The following GDF6 variants were observed in gnomAD, a reference collection of about 807,000 sequenced individuals.
The protein encoded by GDF6 is growth differentiation factor 6.
In GDF6, 3 loss-of-function variants were observed where a neutral mutation model predicts 32.4. That is an observed-to-expected ratio of 0.09 (90% confidence interval 0.04 to 0.24). The LOEUF (loss-of-function observed/expected upper bound fraction) is 0.24. Among genes scored for constraint, GDF6 ranks in the 10% least tolerant of loss-of-function variants. The probability of loss-of-function intolerance (pLI) is 1.00; values close to 1 mark genes in which losing one functional copy is unlikely to be tolerated. For synonymous variants in GDF6, 296 were observed against 295.3 expected (o/e 1.00, Z -0.03); for missense variants, 589 against 637.9 (o/e 0.92, Z 0.83).
At chr8:96,154,102 C>A (rs1376380133) in intron 1 of GDF6, among the ~76,000 whole-genome samples, 1 of 152,096 alleles carries the variant, frequency 6.6e-6, no homozygotes, top group Non-Finnish European at 1.5e-5. Context: ...TTAAGGGATG[C>A]CCTCTGCACC....
chr8:96,145,632 CG>C lies in GDF6; in HGVS notation c.407-109del. The C allele has an allele frequency of 7.2e-7, 1 of 1,384,170 alleles. No homozygotes were observed. Among genetic ancestry groups the C allele is most frequent in the Non-Finnish European group, 1.0e-6 (1 of 999,796 alleles). The allele number at this position is 1,384,170 out of a possible 1,614,324, so 85.7% of individuals were successfully genotyped here. On this transcript the variant is annotated intron_variant, in intron 1 of 1. Transcript: ENST00000287020. The surrounding 1 kb of genome is among the most constrained non-coding windows in gnomAD (Gnocchi z 5.6). ...GGGCGGGGAGTGGGGGCAGGTCGGCCGGGCAGTCCAGCTTGCCCGGCCCAGG... is the reference window on the plus strand; with the variant it reads ...GGGCGGGGAGTGGGGGCAGGTCGGCCGGCAGTCCAGCTTGCCCGGCCCAGG...
At chr8:96,146,707 C>CACACAGAGAGAGAGAGAGAG (rs367654279) in intron 1 of GDF6, among the ~76,000 whole-genome samples, 11 of 139,918 alleles carry the variant, frequency 7.9e-5, no homozygotes, top group African/African-American at 3.1e-4. Flanking sequence ...CACACACACA[C>CACACAGAGAGAGAGAGAGAG]AGAGAGAGAG....
chr8:96,145,342 G>A lies in GDF6; in HGVS notation c.589C>T (p.Leu197=), dbSNP rs759041718. 1 of 1,544,004 alleles carries A rather than the reference G, an allele frequency of 6.5e-7. No homozygotes were observed. Among genetic ancestry groups the A allele is most frequent in the South Asian group, 1.2e-5 (1 of 85,034 alleles). The change falls in exon 2 of 2, where the codon CTG becomes TTG. Residue 197 remains leucine, a synonymous_variant. Transcript: ENST00000287020. The surrounding 1 kb of genome is among the most constrained non-coding windows in gnomAD (Gnocchi z 5.6). ...QLFPCLSPLL[L]DARTLDPQGA... Reference sequence around the variant, plus strand: ...TGCGGGTCCAGGGTCCGCGCGTCCAGCAGTAGGGGCGAAAGGCAAGGGAAG... The same window carrying A: ...TGCGGGTCCAGGGTCCGCGCGTCCAACAGTAGGGGCGAAAGGCAAGGGAAG...
Position 96,144,522 on chromosome 8 carries a change from G to A in GDF6, c.*41C>T, listed in dbSNP as rs1205233767. On this transcript the variant is annotated 3_prime_UTR_variant, in exon 2 of 2. Transcript: ENST00000287020. The surrounding 1 kb of genome is among the most constrained non-coding windows in gnomAD (Gnocchi z 5.1). ...GGCCTCCCCTGCAAGGCGGACCTTG[G>A]CCCACCTTGGTTCCGGGCCAAGGCG... The A allele has an allele frequency of 6.2e-7, 1 of 1,605,518 alleles. No homozygotes were observed.
chr8:96,156,679 A>G (rs753529547), intron 1 of GDF6, among the ~76,000 whole-genome samples: 41 of 152,216 alleles, frequency 2.7e-4, no homozygotes, highest in Non-Finnish European at 5.4e-4. Flanking sequence ...TTTAAAGCAC[A>G]ATATAAGAGC....
chr8:96,158,771 AG>A (rs1287759510), intron 1 of GDF6, among the ~76,000 whole-genome samples: 3 of 152,124 alleles, frequency 2.0e-5, no homozygotes, highest in Non-Finnish European at 2.9e-5. Flanking sequence ...CACGGAGGCC[AG>A]GGACTCAGTT....
chr8:96,145,504 G>A lies in GDF6; in HGVS notation c.427C>T (p.Leu143Phe). ...TCAAACAAATACTTCTGTCTCCGGA[G>A]AGGAGTGTGCGAGAGATCGTCTGCG... Reference protein sequence around the residue: ...RGLDDLSHTPLRRQKYLFDVS... With the variant: ...RGLDDLSHTPFRRQKYLFDVS... Residue 143 changes from leucine to phenylalanine, a missense_variant, in exon 2 of 2, where the codon CTC becomes TTC. Leu to Phe is a conservative substitution (Grantham distance 22). Around this residue, in one of 2 missense-constraint regions of GDF6, gnomAD observed 436 missense variants for 411.2 expected, o/e 1.06. Transcript: ENST00000287020. This position sits in a 1 kb window ranked among gnomAD's most constrained non-coding sequence, Gnocchi z 5.6. The A allele has an allele frequency of 6.3e-7, 1 of 1,597,946 alleles. No homozygotes were observed. The highest frequency in any genetic ancestry group is 8.5e-7 in the Non-Finnish European group (1 of 1,179,626).
At chr8:96,156,392 CT>C (rs1812664161) in intron 1 of GDF6, among the ~76,000 whole-genome samples, 2 of 150,796 alleles carry the variant, frequency 1.3e-5, no homozygotes, top group South Asian at 2.1e-4. Context: ...CTCTCTCTCT[CT>C]CTCTCTCTCT....
Position 96,153,553 on chromosome 8 carries a change from C to T in GDF6, c.406+6734G>A, listed in dbSNP as rs141902703. 1.6e-3 allele frequency among the ~76,000 whole-genome samples: 239 copies of T among 152,300 alleles called. 1 individual carries two copies. Among genetic ancestry groups the T allele is most frequent in the East Asian group, 0.011 (59 of 5,170 alleles). ...CCTGCACTGTCGACCGGTAAGTCAC[C>T]CGGGAGCCCAGGGGAGCAACCAGGT... On this transcript the variant is annotated intron_variant, in intron 1 of 1. Coordinates refer to ENST00000287020, the MANE Select transcript of GDF6 (RefSeq NM_001001557.4).
At position 96,145,445 on chromosome 8, in the gene GDF6, C is replaced by T; in HGVS notation, c.486G>A (p.Val162=). 6.3e-7 allele frequency: 1 copy of T among 1,596,860 alleles called. No individual in the cohort carries two copies. The stretch of plus-strand genomic sequence containing the variant: ...GGCGAAAGAGCCGCAGCTCCGCGCC[C>T]ACCAGCTCTTCTTTGTCTGAGAGCA... ...VSMLSDKEEL[V]GAELRLFRQA... is the part of the protein sequence containing the mutation. Residue 162 remains valine, a synonymous_variant, in exon 2 of 2, where the codon GTG becomes GTA. Transcript: ENST00000287020. This position sits in a 1 kb window ranked among gnomAD's most constrained non-coding sequence, Gnocchi z 5.6.
At chr8:96,149,904 A>G (rs1812539458) in intron 1 of GDF6, among the ~76,000 whole-genome samples, 1 of 152,160 alleles carries the variant, frequency 6.6e-6, no homozygotes, top group Admixed American at 6.5e-5. Flanking sequence ...AGGGACACGT[A>G]GCTGCAGGAC....
At chr8:96,154,362 AC>A (rs1393257752) in intron 1 of GDF6, among the ~76,000 whole-genome samples, 2 of 152,168 alleles carry the variant, frequency 1.3e-5, no homozygotes, top group Admixed American at 1.3e-4. Context: ...AGTGGACCCA[AC>A]CCTCAGTCCC....
chr8:96,151,955 A>ATAG (rs1193234779), intron 1 of GDF6, among the ~76,000 whole-genome samples: 2 of 152,176 alleles, frequency 1.3e-5, no homozygotes, highest in Non-Finnish European at 1.5e-5. Flanking sequence ...AGGGATGTGC[A>ATAG]TAGTACATAG....
At position 96,142,441 on chromosome 8, in the gene GDF6, G is replaced by A. The variant is rs183472001; in HGVS notation, c.*2122C>T. Reference sequence around the variant, plus strand: ...TTCATTGACCTCTGGTAACTTTAGCGTTGTAAATACTTGTATTATATGAGG... The same window carrying A: ...TTCATTGACCTCTGGTAACTTTAGCATTGTAAATACTTGTATTATATGAGG... On this transcript the variant is annotated 3_prime_UTR_variant, in exon 2 of 2. Transcript: ENST00000287020. 43 of 152,154 alleles carry A rather than the reference G, an allele frequency of 2.8e-4. No individual in the cohort carries two copies. The highest frequency in any genetic ancestry group is 8.5e-4 in the Admixed American group (13 of 15,282). 9.4% of individuals were successfully genotyped at this position (152,154 alleles called of 1,614,324 possible).
Position 96,145,163 on chromosome 8 carries a change from C to G in GDF6, c.768G>C (p.Pro256=), listed in dbSNP as rs1812453607. 2 of 1,502,214 alleles carry G rather than the reference C, an allele frequency of 1.3e-6. No homozygotes were observed. The highest frequency in any genetic ancestry group is 5.3e-5 in the East Asian group (2 of 37,488). 93.1% of individuals were successfully genotyped at this position (1,502,214 alleles called of 1,614,324 possible). The change falls in exon 2 of 2, where the codon CCG becomes CCC. Residue 256 remains proline (P), a synonymous_variant. Transcript: ENST00000287020. The surrounding 1 kb of genome is among the most constrained non-coding windows in gnomAD (Gnocchi z 5.6). ...EARARGPQQP[P]PPDLRSLGFG... ...AGCCCAGACTCCGCAGGTCCGGGGG[C>G]GGCGGTTGCTGGGGTCCCCGCGCGC...
chr8:96,153,417 C>G (rs1230129054), intron 1 of GDF6, among the ~76,000 whole-genome samples: 1 of 152,230 alleles, frequency 6.6e-6, no homozygotes, highest in Admixed American at 6.5e-5. Context: ...CAAACCGAAG[C>G]TCTCGTACTG....
chr8:96,156,605 A>C (rs142549612), intron 1 of GDF6, among the ~76,000 whole-genome samples: 142 of 152,292 alleles, frequency 9.3e-4, no homozygotes, highest in African/African-American at 3.3e-3. Flanking sequence ...GTCCATTCTC[A>C]TCCCATGATG....
At position 96,160,331 on chromosome 8, in the gene GDF6, G is replaced by A. The variant is rs772435568; in HGVS notation, c.362C>T (p.Ser121Phe). The part of the protein sequence containing the change: ...LGINASFFQS[S>F]KSANTITSFV... Reference sequence around the variant, plus strand: ...GCTGGTGATCGTATTAGCCGACTTGGAAGACTGGAAAAAGCTGGCATTGAT... The same window carrying A: ...GCTGGTGATCGTATTAGCCGACTTGAAAGACTGGAAAAAGCTGGCATTGAT... Residue 121 changes from serine to phenylalanine, a missense_variant, in exon 1 of 2, where the codon TCC becomes TTC. Physicochemically the swap from Ser to Phe is radical, Grantham distance 155. Transcript: ENST00000287020. 2.5e-6 allele frequency: 4 copies of A among 1,614,128 alleles called. No homozygotes were observed. The South Asian group carries it at 4.4e-5, about 18-fold the overall frequency.
rs1384642097 is a variant in GDF6, at chr8:96,149,650, A to G, written c.407-4126T>C. On this transcript the variant is annotated intron_variant, in intron 1 of 1. Transcript: ENST00000287020. ...CAGTTAGGGTGAATATAAGGTAAAA[A>G]ATAAAATTTTAACTAAAAAAAGAAA... is the stretch of plus-strand genomic sequence containing the variant. 3.3e-5 allele frequency among the ~76,000 whole-genome samples: 5 copies of G among 152,312 alleles called. No individual in the cohort carries two copies. In the East Asian group the frequency reaches 9.6e-4, roughly 29 times the overall value.
Sources: gnomAD v4.1 joint callset for allele counts (sites outside exome capture counted in the v4.1 genomes callset) on GRCh38, gnomAD v4.1.1 for gene constraint, gnomAD v4.1.1 regional missense constraint, Gnocchi (gnomAD v3.1) non-coding constraint, MANE v1.5 for transcripts, NCBI Gene and HGNC (gene_info 2026-07-23, HGNC 2026-07-21) for gene names.